Variants in ACTN4 observed in about 807,000 individuals in gnomAD.
ACTN4 encodes alpha-actinin-4.
ACTN4 carries 18 observed loss-of-function variants against 114.2 expected under a neutral mutation model. The ratio of observed to expected loss-of-function variants is 0.16; its 90% CI spans 0.11 to 0.23. The LOEUF (loss-of-function observed/expected upper bound fraction) is 0.23, where lower values mean the gene tolerates loss of function less well. Ranked by LOEUF, ACTN4 falls within the 10% of genes least tolerant of loss-of-function variation. ACTN4 has a pLI of 1.00. For synonymous variants in ACTN4, 515 were observed against 506.3 expected, an observed-to-expected ratio of 1.02 and a Z score of -0.23; for missense variants, 722 against 1,262.9, an observed-to-expected ratio of 0.57 and a Z score of 6.49.
intron 1 of ACTN4, among the ~76,000 whole-genome samples, chr19:38,681,576 C>T (rs1488435463): frequency 6.6e-6 from 1 of 152,204 alleles, no homozygotes; most frequent in African/African-American, 2.4e-5. Context: ...CTCTCCAGGT[C>T]ACCACTGATC....
intron 8 of ACTN4, among the ~76,000 whole-genome samples, chr19:38,713,408 A>AC (rs571484786): frequency 3.0e-4 from 46 of 151,794 alleles, no homozygotes; most frequent in Non-Finnish European, 5.6e-4. Context: ...GACCTCTGTG[A>AC]CCCCCACAAG....
chr19:38,708,224 C>T (rs1968524409), intron 6 of ACTN4, 29 bp downstream of exon 6: 5 of 1,611,242 alleles, frequency 3.1e-6, no homozygotes, highest in South Asian at 2.2e-5. Context: ...CCTTGATGGC[C>T]CACAGACGTG....
intron 4 of ACTN4, among the ~76,000 whole-genome samples, chr19:38,705,494 AC>A (rs1968427358): frequency 6.6e-6 from 1 of 152,210 alleles, no homozygotes; most frequent in Admixed American, 6.5e-5. Flanking sequence ...GGGCAGAGCC[AC>A]CTGGGCTAGC....
At chr19:38,721,487 C>T (rs1255961848) in intron 11 of ACTN4, 51 bp from the exon 12 acceptor site, 2 of 1,610,560 alleles carry the variant, frequency 1.2e-6, no homozygotes, top group Admixed American at 1.7e-5. Flanking sequence ...CTCCAGACTC[C>T]TGCCCCACAG....
intron 1 of ACTN4, among the ~76,000 whole-genome samples, chr19:38,666,732 G>C (rs1051270196): frequency 2.0e-5 from 3 of 152,214 alleles, no homozygotes; most frequent in African/African-American, 7.2e-5. Context: ...AACACTTAGA[G>C]TGGGGCCCCC....
chr19:38,680,465 T>A (rs1178259199), intron 1 of ACTN4, among the ~76,000 whole-genome samples: 2 of 152,096 alleles, frequency 1.3e-5, no homozygotes, highest in Non-Finnish European at 2.9e-5. Context: ...CAGACAGGCA[T>A]GAGCCACTGC....
At chr19:38,673,561 A>T (rs1341262959) in intron 1 of ACTN4, among the ~76,000 whole-genome samples, 2 of 94,568 alleles carry the variant, frequency 2.1e-5, no homozygotes, top group African/African-American at 3.6e-5. Context: ...ATATACTTAT[A>T]TATATTTATA....
chr19:38,673,666 ATATATATTTATATATT>A (rs1420785144), intron 1 of ACTN4, among the ~76,000 whole-genome samples: 1 of 28,376 alleles, frequency 3.5e-5, no homozygotes, highest in Non-Finnish European at 9.7e-5. Context: ...TATATATATT[ATATATATTTATATATT>A]TATATATATT....
At chr19:38,689,319 GATCATAT>G (rs1219743609) in intron 1 of ACTN4, among the ~76,000 whole-genome samples, 2 of 152,126 alleles carry the variant, frequency 1.3e-5, no homozygotes, top group African/African-American at 4.8e-5. Flanking sequence ...CAAACTCAAA[GATCATAT>G]ACCATATGGT....
intron 1 of ACTN4, among the ~76,000 whole-genome samples, chr19:38,687,093 A>T (rs1967770987): frequency 6.6e-6 from 1 of 151,416 alleles, no homozygotes; most frequent in African/African-American, 2.4e-5. Context: ...CCTCCTGAGT[A>T]TCTGGGATTA....
At chr19:38,660,477 C>T (rs1568677883) in intron 1 of ACTN4, among the ~76,000 whole-genome samples, 1 of 151,862 alleles carries the variant, frequency 6.6e-6, no homozygotes, top group Non-Finnish European at 1.5e-5. Context: ...CTCACTGCAA[C>T]CTCCGTCTCC....
chr19:38,676,670 G>A (rs1255595431), intron 1 of ACTN4, among the ~76,000 whole-genome samples: 1 of 152,162 alleles, frequency 6.6e-6, no homozygotes, highest in East Asian at 1.9e-4. Context: ...AGACAGGCCC[G>A]GAAAGGCCTG....
chr19:38,706,345 G>T (rs553380979), intron 5 of ACTN4, among the ~76,000 whole-genome samples: 1 of 152,356 alleles, frequency 6.6e-6, no homozygotes, highest in Non-Finnish European at 1.5e-5. Context: ...GCTGAAGGCA[G>T]TAAGGTCAGC....
In ACTN4 at chr19:38,729,161, G is replaced by A. The variant is rs765630510; in HGVS notation, c.2577+7G>A. 1.1e-5 allele frequency: 18 copies of A among 1,612,790 alleles called. No homozygotes were observed. Among genetic ancestry groups the A allele is most frequent in the Admixed American group, 5.0e-5 (3 of 59,974 alleles). The stretch of plus-strand genomic sequence containing the variant: ...GGTCTTAGCAGGGGACAAGGTGAGC[G>A]AGACCCCTACGAGGTGCATGGGGGC... On this transcript the variant is annotated splice_region_variant and intron_variant, in intron 20 of 20. Coordinates refer to ENST00000252699, the MANE Select transcript of ACTN4 (RefSeq NM_004924.6).
intron 5 of ACTN4, among the ~76,000 whole-genome samples, chr19:38,706,917 G>A (rs1010928482): frequency 3.3e-5 from 5 of 152,344 alleles, no homozygotes; most frequent in African/African-American, 7.2e-5. Flanking sequence ...GGGCACTGCC[G>A]CATGAGGTCC....
chr19:38,648,638 G>A (rs1016959483), intron 1 of ACTN4, among the ~76,000 whole-genome samples: 3 of 151,992 alleles, frequency 2.0e-5, no homozygotes, highest in African/African-American at 7.2e-5. Context: ...GAAGTTAAGG[G>A]GCCCGTGAAT....
At chr19:38,671,952 T>C (rs752149252) in intron 1 of ACTN4, among the ~76,000 whole-genome samples, 6 of 152,102 alleles carry the variant, frequency 3.9e-5, no homozygotes, top group Non-Finnish European at 8.8e-5. Context: ...GGAAGAAAAA[T>C]GGTTGTAATG....
Position 38,717,498 on chromosome 19 carries a change from G to A in ACTN4, c.1143+182G>A, listed in dbSNP as rs1261234373. Among the ~76,000 whole-genome samples the A allele has an allele frequency of 6.6e-6, 1 of 152,118 alleles. No homozygotes were observed. Among genetic ancestry groups the A allele is most frequent in the Admixed American group, 6.5e-5 (1 of 15,274 alleles). On this transcript the variant is annotated intron_variant, in intron 10 of 20. Coordinates refer to ENST00000252699, the MANE Select transcript of ACTN4 (RefSeq NM_004924.6). This position sits in a 1 kb window ranked among gnomAD's most constrained non-coding sequence, Gnocchi z 4.0. Reference sequence around the variant, plus strand: ...TTCACTCGGCATTGTGCTCCCCTTTGGCCCTCACTCACTGTATTTTACACC... The same window carrying A: ...TTCACTCGGCATTGTGCTCCCCTTTAGCCCTCACTCACTGTATTTTACACC...
chr19:38,679,322 C>T (rs1459648568), intron 1 of ACTN4, among the ~76,000 whole-genome samples: 2 of 152,054 alleles, frequency 1.3e-5, no homozygotes, highest in Non-Finnish European at 2.9e-5. Context: ...CATGCACCTC[C>T]AGTGTGCCCG....
Sources: allele counts gnomAD v4.1 joint callset (sites outside exome capture counted in the v4.1 genomes callset), GRCh38; gene constraint gnomAD v4.1.1; non-coding constraint Gnocchi (gnomAD v3.1); transcripts MANE v1.5; gene names NCBI Gene and HGNC (gene_info 2026-07-23, HGNC 2026-07-21).